HTT: variants seen among roughly 807,000 people sequenced by gnomAD.
HTT encodes the protein huntington disease protein.
Under a neutral mutation model 362.3 loss-of-function variants are expected in HTT, and 104 were observed. That is an observed-to-expected ratio of 0.29 (90% CI 0.24 to 0.34). The LOEUF (loss-of-function observed/expected upper bound fraction) is 0.34, where lower values mean the gene tolerates loss of function less well. Ranked by LOEUF, HTT falls within the 10% of genes least tolerant of loss-of-function variation. HTT has a pLI of 1.00. For missense variants in HTT, 3,301 were observed against 3,928.6 expected, an observed-to-expected ratio of 0.84 and a Z score of 4.27; for synonymous variants, 1,577 against 1,548.7, an observed-to-expected ratio of 1.02 and a Z score of -0.43.
At chr4:3,153,252 A>C (rs1180934631) in intron 26 of HTT, among the ~76,000 whole-genome samples, 1 of 152,092 alleles carries the variant, frequency 6.6e-6, no homozygotes, top group Non-Finnish European at 1.5e-5. Context: ...CTCATGACCC[A>C]GTCACCTCCC....
Position 3,206,501 on chromosome 4 carries a change from G to A in HTT, c.5724G>A (p.Gln1908=). The A allele has an allele frequency of 6.2e-7, 1 of 1,613,536 alleles. No individual in the cohort carries two copies. Among genetic ancestry groups the A allele is most frequent in the South Asian group, 1.1e-5 (1 of 91,036 alleles). ...CTCATCATATTTTTCCTTAGTGTCA[G>A]AACCTCCATGACTCCGAGCACTTAA... ...ALILFCDYVC[Q]NLHDSEHLTW... Residue 1908 remains glutamine, a synonymous_variant, in exon 43 of 67, where the codon CAG becomes CAA. Coordinates refer to ENST00000355072, the MANE Select transcript of HTT (RefSeq NM_001388492.1). This position sits in a 1 kb window ranked among gnomAD's most constrained non-coding sequence, Gnocchi z 4.6.
chr4:3,199,982 C>A, intron 41 of HTT, 43 bp downstream of exon 41: 1 of 1,540,482 alleles, frequency 6.5e-7, no homozygotes. Context: ...CAGCCCAGCA[C>A]CCTGTCCTGA....
At position 3,174,758 on chromosome 4, in the gene HTT, A is replaced by G. The variant is rs1197336725; in HGVS notation, c.4204A>G (p.Lys1402Glu). The part of the protein sequence containing the change: ...DVLQKVSTQL[K>E]TNLTSVTKNR... Reference sequence around the variant, plus strand: ...CCTCCAGAAAGTGTCTACCCAGTTGAAGACAAACCTCACGAGTGTCACAAA... The same window carrying G: ...CCTCCAGAAAGTGTCTACCCAGTTGGAGACAAACCTCACGAGTGTCACAAA... The change falls in exon 32 of 67, where the codon AAG becomes GAG. Residue 1402 changes from lysine to glutamate, a missense_variant. Lys to Glu is a moderately conservative substitution (Grantham distance 56). This residue lies in a region of HTT where 2,316 missense variants were observed against 2,658.5 expected (regional missense o/e 0.87). Coordinates refer to ENST00000355072, the MANE Select transcript of HTT (RefSeq NM_001388492.1). The G allele has an allele frequency of 6.2e-7, 1 of 1,614,154 alleles. No homozygotes were observed. The highest frequency in any genetic ancestry group is 8.5e-7 in the Non-Finnish European group (1 of 1,179,996).
At chr4:3,106,725 T>C (rs938382443) in intron 5 of HTT, among the ~76,000 whole-genome samples, 3 of 152,088 alleles carry the variant, frequency 2.0e-5, no homozygotes, top group Non-Finnish European at 2.9e-5. Flanking sequence ...GTCACTTCCT[T>C]AGGGAGGTTT....
chr4:3,228,918 A>T lies in HTT; in HGVS notation c.8018A>T (p.Gln2673Leu). ...GGAGTTGACATCCACTCCTGTTCGC[A>T]GTTTTTGCTTGAGTTGTACAGCCGC... ...RAGVDIHSCS[Q>L]FLLELYSRWI... is the part of the protein sequence containing the mutation. Residue 2673 changes from glutamine to leucine, a missense_variant, in exon 59 of 67, where the codon CAG becomes CTG. Transcript: ENST00000355072. The surrounding 1 kb of genome is among the most constrained non-coding windows in gnomAD (Gnocchi z 4.3). 1 of 1,613,756 alleles carries T rather than the reference A, an allele frequency of 6.2e-7. No homozygotes were observed. Among genetic ancestry groups the T allele is most frequent in the South Asian group, 1.1e-5 (1 of 91,070 alleles).
chr4:3,086,846 G>A (rs1218287283), intron 1 of HTT, 93 bp from the exon 2 acceptor site: 8 of 701,092 alleles, frequency 1.1e-5, no homozygotes, highest in Non-Finnish European at 1.8e-5. Context: ...CATAGTAGTC[G>A]AGAAACACTC....
At chr4:3,160,988 G>GGTATT (rs1290397409) in intron 29 of HTT, among the ~76,000 whole-genome samples, 4 of 151,960 alleles carry the variant, frequency 2.6e-5, no homozygotes, top group Non-Finnish European at 1.5e-5. Context: ...TTGTTACATA[G>GGTATT]GTATACACGT....
At chr4:3,163,338 T>C (rs572609994) in intron 29 of HTT, among the ~76,000 whole-genome samples, 1 of 152,360 alleles carries the variant, frequency 6.6e-6, no homozygotes, top group East Asian at 1.9e-4. Flanking sequence ...CAGTATTTTA[T>C]TGAGGATTTT....
intron 56 of HTT, 143 bp downstream of exon 56, chr4:3,224,274 C>A: frequency 1.2e-6 from 1 of 801,322 alleles, no homozygotes; most frequent in Non-Finnish European, 2.0e-6. Context: ...CTGCCCCTTT[C>A]ATAAGCAGGA....
rs755191900 is a variant in HTT at position 3,122,879 on chromosome 4, T to C, written c.1274-10T>C. The C allele has an allele frequency of 1.9e-6, 3 of 1,602,954 alleles. No homozygotes were observed. In the South Asian group the frequency reaches 3.4e-5, roughly 18 times the overall value. On this transcript the variant is annotated splice_polypyrimidine_tract_variant and intron_variant, in intron 9 of 66. Coordinates refer to ENST00000355072, the MANE Select transcript of HTT (RefSeq NM_001388492.1). ...TTGTTACTTTATCTGTCACTTTCTG[T>C]GATTTGCAGCTGGAGGGGGTTCCTC...
intron 22 of HTT, 25 bp downstream of exon 22, chr4:3,140,681 A>C (rs1236189848): frequency 6.2e-7 from 1 of 1,605,190 alleles, no homozygotes; most frequent in East Asian, 2.2e-5. Context: ...TGGCATCTTC[A>C]CATTGTCGGG....
At chr4:3,112,929 C>T (rs966479405) in intron 6 of HTT, 2 of 466,724 alleles carry the variant, frequency 4.3e-6, no homozygotes, top group Non-Finnish European at 5.6e-6. Context: ...TGCTTTTACT[C>T]TTAGCCTTCC....
chr4:3,205,252 T>C (rs1004785149), intron 42 of HTT, among the ~76,000 whole-genome samples: 1 of 152,120 alleles, frequency 6.6e-6, no homozygotes, highest in African/African-American at 2.4e-5. Context: ...TTTCTATATT[T>C]ATATTAAAAA....
At chr4:3,159,734 G>A (rs1205387675) in intron 28 of HTT, among the ~76,000 whole-genome samples, 1 of 152,186 alleles carries the variant, frequency 6.6e-6, no homozygotes, top group East Asian at 1.9e-4. Context: ...TACCTTTCTT[G>A]TTATGCATGT....
intron 53 of HTT, among the ~76,000 whole-genome samples, chr4:3,221,679 G>A (rs1157235371): frequency 6.6e-6 from 1 of 152,316 alleles, no homozygotes; most frequent in East Asian, 1.9e-4. Context: ...TGGCGTGGCT[G>A]CCTCAGACAT....
intron 29 of HTT, among the ~76,000 whole-genome samples, chr4:3,162,810 T>C (rs893842433): frequency 6.6e-6 from 1 of 152,254 alleles, no homozygotes; most frequent in African/African-American, 2.4e-5. Context: ...GCTAATCAGC[T>C]TAAGGAGATT....
intron 61 of HTT, 99 bp from the exon 62 acceptor site, chr4:3,235,185 C>A: frequency 1.1e-6 from 1 of 879,244 alleles, no homozygotes; most frequent in Non-Finnish European, 1.8e-6. Context: ...GCCCGCCTGG[C>A]CCATAGCTCT....
intron 19 of HTT, among the ~76,000 whole-genome samples, chr4:3,134,805 C>T (rs1715985025): frequency 1.3e-5 from 2 of 152,180 alleles, no homozygotes; most frequent in South Asian, 2.1e-4. Context: ...TCATAGCTCA[C>T]TGAAGCTTTG....
intron 61 of HTT, 31 bp downstream of exon 61, chr4:3,233,384 G>T: frequency 6.4e-7 from 1 of 1,574,150 alleles, no homozygotes. Context: ...GGCTGGGGCG[G>T]GGGTCTCAGA....
Sources: gnomAD v4.1 joint callset for allele counts (sites outside exome capture counted in the v4.1 genomes callset) on GRCh38, gnomAD v4.1.1 for gene constraint, gnomAD v4.1.1 regional missense constraint, Gnocchi (gnomAD v3.1) non-coding constraint, MANE v1.5 for transcripts, NCBI Gene and HGNC (gene_info 2026-07-23, HGNC 2026-07-21) for gene names.